Variants in PLAG1 observed in about 807,000 individuals in gnomAD.
PLAG1 encodes PLAG1 zinc finger.
PLAG1 carries 7 observed loss-of-function variants against 35.5 expected under a neutral mutation model. The observed-to-expected ratio is 0.20, with a 90% CI of 0.11 to 0.37. The LOEUF is 0.37. PLAG1 is among the 10% of genes least tolerant of loss of function. The pLI is 1.00. For synonymous variants in PLAG1, 229 were observed against 225.4 expected (o/e 1.02, Z -0.14); for missense variants, 454 against 602.8 (o/e 0.75, Z 2.58).
chr8:56,170,381 C>T (rs1406700123), intron 3 of PLAG1, among the ~76,000 whole-genome samples: 2 of 152,186 alleles, frequency 1.3e-5, no homozygotes, highest in Admixed American at 1.3e-4. Flanking sequence ...AAAGCTAGCT[C>T]CTCTGCTTCC....
At chr8:56,191,240 A>AGAAGT (rs1186221699) in intron 1 of PLAG1, among the ~76,000 whole-genome samples, 3 of 152,112 alleles carry the variant, frequency 2.0e-5, no homozygotes, top group Non-Finnish European at 4.4e-5. Flanking sequence ...AGCAGTGGAG[A>AGAAGT]AGCAGAACAT....
At chr8:56,187,219 C>T (rs75163933) in intron 1 of PLAG1, among the ~76,000 whole-genome samples, 4,340 of 152,222 alleles carry the variant, frequency 0.029, 190 homozygotes, top group African/African-American at 0.095. Context: ...TTCCCTACTG[C>T]GATACACAGA....
intron 1 of PLAG1, among the ~76,000 whole-genome samples, chr8:56,202,738 G>C (rs990926656): frequency 6.6e-6 from 1 of 152,152 alleles, no homozygotes; most frequent in Non-Finnish European, 1.5e-5. Flanking sequence ...CAGCTGAAAA[G>C]ATAACCCAGG....
chr8:56,203,094 C>CT (rs1812600999), intron 1 of PLAG1, among the ~76,000 whole-genome samples: 1 of 152,006 alleles, frequency 6.6e-6, no homozygotes, highest in Non-Finnish European at 1.5e-5. Context: ...ATATCACGAT[C>CT]TTTAAGTAAT....
In PLAG1 at chr8:56,165,419, G is replaced by C. The variant is rs1425960974; in HGVS notation, c.*824C>G. On this transcript the variant is annotated 3_prime_UTR_variant, in exon 5 of 5. Coordinates refer to ENST00000316981, the MANE Select transcript of PLAG1 (RefSeq NM_002655.3). The stretch of plus-strand genomic sequence containing the variant: ...GATGTGAAAGGTGGAAAAGACTAAA[G>C]AGATCTACCTATATATCGACTCTGA... The C allele has an allele frequency of 9.2e-6, 2 of 217,726 alleles. No homozygotes were observed. Among genetic ancestry groups the C allele is most frequent in the Non-Finnish European group, 1.8e-5 (2 of 108,238 alleles). 13.5% of individuals were successfully genotyped at this position (217,726 alleles called of 1,614,324 possible). A position where few individuals can be genotyped will look rare whatever the true frequency, so the allele number is the denominator to read the frequency against.
intron 1 of PLAG1, among the ~76,000 whole-genome samples, chr8:56,186,673 G>A (rs1359613623): frequency 6.9e-6 from 1 of 145,090 alleles, no homozygotes; most frequent in Non-Finnish European, 1.5e-5. Flanking sequence ...ATGTCCAGCT[G>A]GTTAGCATTA....
At chr8:56,177,127 CAAAGT>C (rs1392541185) in intron 2 of PLAG1, among the ~76,000 whole-genome samples, 2 of 152,132 alleles carry the variant, frequency 1.3e-5, no homozygotes, top group Non-Finnish European at 2.9e-5. Flanking sequence ...TAAGCCATCT[CAAAGT>C]AAAGTGTACT....
chr8:56,210,294 T>C (rs1812835108), intron 1 of PLAG1, among the ~76,000 whole-genome samples: 1 of 152,078 alleles, frequency 6.6e-6, no homozygotes, highest in African/African-American at 2.4e-5. Flanking sequence ...TTAAAAATTT[T>C]TATTTGGTTA....
chr8:56,168,457 A>G, intron 3 of PLAG1, 71 bp from the exon 4 acceptor site: 1 of 603,444 alleles, frequency 1.7e-6, no homozygotes, highest in Non-Finnish European at 2.5e-6. Flanking sequence ...TTGCTATGTG[A>G]TGCTTTTGAA....
intron 1 of PLAG1, among the ~76,000 whole-genome samples, chr8:56,196,519 C>T (rs936775603): frequency 2.0e-5 from 3 of 152,082 alleles, no homozygotes; most frequent in Non-Finnish European, 4.4e-5. Context: ...AGGGGCCAAG[C>T]GCTGACTGCC....
At chr8:56,182,633 G>A (rs2129228712) in intron 1 of PLAG1, among the ~76,000 whole-genome samples, 1 of 152,314 alleles carries the variant, frequency 6.6e-6, no homozygotes, top group East Asian at 1.9e-4. Flanking sequence ...GGGAGAATGA[G>A]AATGTGTAAA....
chr8:56,183,431 C>T (rs1016664721), intron 1 of PLAG1, among the ~76,000 whole-genome samples: 4 of 152,070 alleles, frequency 2.6e-5, no homozygotes, highest in African/African-American at 7.2e-5. Flanking sequence ...ATATTAAATC[C>T]TATGGGAAAG....
At chr8:56,201,960 C>G (rs1276340434) in intron 1 of PLAG1, among the ~76,000 whole-genome samples, 1 of 136,920 alleles carries the variant, frequency 7.3e-6, no homozygotes, top group African/African-American at 2.7e-5. Context: ...TTTTTGGGCT[C>G]TTTTTTTTTT....
chr8:56,195,537 G>A (rs1157519306), intron 1 of PLAG1, among the ~76,000 whole-genome samples: 2 of 152,176 alleles, frequency 1.3e-5, no homozygotes, highest in East Asian at 3.9e-4. Flanking sequence ...ACATGCAGAG[G>A]GCAGGTGCCA....
chr8:56,183,535 AT>A lies in PLAG1; in HGVS notation c.-321-4023del, dbSNP rs946924274. ...AGTAAGCATTTACACTATTATTCCA[AT>A]TTTTTAAAAGTATGCACTTAAAACT... On this transcript the variant is annotated intron_variant, in intron 1 of 4. Coordinates refer to ENST00000316981, the MANE Select transcript of PLAG1 (RefSeq NM_002655.3). Among the ~76,000 whole-genome samples the A allele has an allele frequency of 2.6e-5, 4 of 152,344 alleles. No homozygotes were observed. In the East Asian group the frequency reaches 7.7e-4, roughly 29 times the overall value.
intron 1 of PLAG1, among the ~76,000 whole-genome samples, chr8:56,210,227 T>C (rs1375937286): frequency 6.6e-6 from 1 of 152,240 alleles, no homozygotes; most frequent in Admixed American, 6.5e-5. Context: ...TACATACTTT[T>C]ACCTTTAGCG....
chr8:56,201,970 T>G (rs560646376), intron 1 of PLAG1, among the ~76,000 whole-genome samples: 454 of 151,610 alleles, frequency 3.0e-3, no homozygotes, highest in African/African-American at 0.01. Flanking sequence ...CTTTTTTTTT[T>G]TTTTTGTTTT....
intron 2 of PLAG1, among the ~76,000 whole-genome samples, chr8:56,178,398 C>T (rs1811770960): frequency 6.6e-6 from 1 of 151,884 alleles, no homozygotes. Flanking sequence ...AAATCCATAA[C>T]CCCTAACACT....
At chr8:56,172,426 T>C (rs1276480058) in intron 2 of PLAG1, among the ~76,000 whole-genome samples, 1 of 152,212 alleles carries the variant, frequency 6.6e-6, no homozygotes, top group Non-Finnish European at 1.5e-5. Flanking sequence ...ATTCTGCACA[T>C]CAAAATTACA....
Sources: allele counts gnomAD v4.1 joint callset (sites outside exome capture counted in the v4.1 genomes callset), GRCh38; gene constraint gnomAD v4.1.1; transcripts MANE v1.5; gene names NCBI Gene and HGNC (gene_info 2026-07-23, HGNC 2026-07-21).